GALNTL6: variants seen among roughly 807,000 people sequenced by gnomAD.
The protein encoded by GALNTL6 is polypeptide N-acetylgalactosaminyltransferase like 6.
GALNTL6 carries 46 observed loss-of-function variants against 73.7 expected under a neutral mutation model. That is an observed-to-expected ratio of 0.62 (90% CI 0.49 to 0.80). GALNTL6 has a LOEUF of 0.80. Ranked by LOEUF, GALNTL6 falls within the 30% of genes least tolerant of loss-of-function variation. GALNTL6 has a pLI of 0.00. For missense variants in GALNTL6, 604 were observed against 755.0 expected (o/e 0.80, Z 2.34); for synonymous variants, 259 against 263.7 (o/e 0.98, Z 0.17).
At chr4:172,562,814 C>T (rs1269979119) in intron 5 of GALNTL6, among the ~76,000 whole-genome samples, 1 of 152,108 alleles carries the variant, frequency 6.6e-6, no homozygotes, top group Non-Finnish European at 1.5e-5. Context: ...AGTTTGCTAC[C>T]ACCACCACTG....
intron 11 of GALNTL6, among the ~76,000 whole-genome samples, chr4:173,012,695 C>T (rs1254536899): frequency 6.6e-6 from 1 of 152,184 alleles, no homozygotes; most frequent in Non-Finnish European, 1.5e-5. Flanking sequence ...ATATCCTCTC[C>T]CTCCTGCCTT....
chr4:172,310,394 C>A (rs141817228), intron 3 of GALNTL6, among the ~76,000 whole-genome samples: 2 of 151,932 alleles, frequency 1.3e-5, no homozygotes, highest in East Asian at 3.9e-4. Context: ...CCTCAGCCTC[C>A]CCAGTAGCTG....
At chr4:172,615,129 C>T (rs889117542) in intron 5 of GALNTL6, among the ~76,000 whole-genome samples, 1 of 149,918 alleles carries the variant, frequency 6.7e-6, no homozygotes. Flanking sequence ...CCTGCTGAAA[C>T]GGTGTTAATC....
chr4:172,205,409 C>A (rs533221372), intron 2 of GALNTL6, among the ~76,000 whole-genome samples: 12 of 152,258 alleles, frequency 7.9e-5, no homozygotes, highest in Admixed American at 7.8e-4. Context: ...GTGCTAGAGT[C>A]CACTTTTTTG....
At chr4:171,849,584 A>T (rs1234304181) in intron 2 of GALNTL6, among the ~76,000 whole-genome samples, 2 of 152,248 alleles carry the variant, frequency 1.3e-5, no homozygotes, top group Non-Finnish European at 2.9e-5. Context: ...TATAAATATG[A>T]TAAAATATGA....
intron 5 of GALNTL6, among the ~76,000 whole-genome samples, chr4:172,412,800 AT>A (rs1437659277): frequency 1.3e-5 from 2 of 152,168 alleles, no homozygotes. Flanking sequence ...TAACAAAAAA[AT>A]CCAGCCTCAT....
At chr4:172,013,505 G>A (rs1162222974) in intron 2 of GALNTL6, among the ~76,000 whole-genome samples, 1 of 151,634 alleles carries the variant, frequency 6.6e-6, no homozygotes, top group Non-Finnish European at 1.5e-5. Context: ...CTTTTTTTAA[G>A]ATTAACTAGT....
At chr4:171,995,560 C>A (rs905243867) in intron 2 of GALNTL6, among the ~76,000 whole-genome samples, 1 of 151,764 alleles carries the variant, frequency 6.6e-6, no homozygotes, top group Non-Finnish European at 1.5e-5. Flanking sequence ...GTGACAAAAA[C>A]CAGTGAAAAA....
intron 5 of GALNTL6, among the ~76,000 whole-genome samples, chr4:172,436,685 A>G (rs567254762): frequency 2.8e-4 from 43 of 152,222 alleles, no homozygotes; most frequent in African/African-American, 1.0e-3. Flanking sequence ...ACTTGACTCA[A>G]GAGGCCATAA....
intron 9 of GALNTL6, among the ~76,000 whole-genome samples, chr4:172,941,360 T>C (rs1748911101): frequency 6.6e-6 from 1 of 152,262 alleles, no homozygotes; most frequent in Non-Finnish European, 1.5e-5. Context: ...TAACAAGCTA[T>C]CATGATTAAT....
intron 2 of GALNTL6, among the ~76,000 whole-genome samples, chr4:171,938,092 T>G (rs12508478): frequency 0.43 from 65,353 of 151,894 alleles, 16,430 homozygotes; most frequent in Admixed American, 0.58. Context: ...TTAGGAACAG[T>G]TGGATTTTTT....
intron 12 of GALNTL6, among the ~76,000 whole-genome samples, chr4:173,035,096 C>CTT (rs33964878): frequency 2.1e-5 from 3 of 140,186 alleles, no homozygotes; most frequent in African/African-American, 8.4e-5. Flanking sequence ...ACAAACATTT[C>CTT]TTTTTTTTTT....
intron 10 of GALNTL6, among the ~76,000 whole-genome samples, chr4:172,988,141 T>C (rs1049102134): frequency 2.0e-5 from 3 of 152,214 alleles, no homozygotes; most frequent in Non-Finnish European, 4.4e-5. Flanking sequence ...TGAATCTTCC[T>C]AGAGACTTAT....
chr4:172,356,077 GT>G lies in GALNTL6; in HGVS notation c.553+7391del, dbSNP rs200360030. On this transcript the variant is annotated intron_variant, in intron 5 of 12. Transcript: ENST00000506823. ...ATTCCACATGGCTGAATTAATATGGGTTTGGCATAGAAGGAGACACTGCTTT... is the reference window on the plus strand; with the variant it reads ...ATTCCACATGGCTGAATTAATATGGGTTGGCATAGAAGGAGACACTGCTTT... Among the ~76,000 whole-genome samples, 1,113 of 152,242 alleles carry G rather than the reference GT, an allele frequency of 7.3e-3. 13 individuals carry two copies. Among genetic ancestry groups the G allele is most frequent in the African/African-American group, 0.025 (1,050 of 41,534 alleles).
At chr4:172,525,704 A>C (rs1488054466) in intron 5 of GALNTL6, among the ~76,000 whole-genome samples, 1 of 152,110 alleles carries the variant, frequency 6.6e-6, no homozygotes, top group African/African-American at 2.4e-5. Flanking sequence ...TATACAAAAA[A>C]TCAAAAAATT....
At chr4:172,661,496 A>AC in intron 5 of GALNTL6, among the ~76,000 whole-genome samples, 1 of 152,160 alleles carries the variant, frequency 6.6e-6, no homozygotes, top group African/African-American at 2.4e-5. Context: ...AACAAGATGA[A>AC]CTTCAGGAAT....
chr4:172,908,431 ATAG>A (rs1368785253), intron 8 of GALNTL6, among the ~76,000 whole-genome samples: 4 of 152,102 alleles, frequency 2.6e-5, no homozygotes, highest in Non-Finnish European at 4.4e-5. Context: ...TATTCTGAAG[ATAG>A]TAGGCAATGC....
chr4:172,753,316 C>G (rs1737541046), intron 5 of GALNTL6, among the ~76,000 whole-genome samples: 1 of 152,188 alleles, frequency 6.6e-6, no homozygotes, highest in African/African-American at 2.4e-5. Flanking sequence ...AACCTCTTTC[C>G]TTTATAAATT....
In GALNTL6 at chr4:172,068,768, A is replaced by G. The variant is rs1731426652; in HGVS notation, c.139-160888A>G. On this transcript the variant is annotated intron_variant, in intron 2 of 12. Coordinates refer to ENST00000506823, the MANE Select transcript of GALNTL6 (RefSeq NM_001034845.3). ...TCTTCCTCACTCTTGTATGCACAGC[A>G]GTTAGTAAAGATACTTTTGTGAAAG... Among the ~76,000 whole-genome samples, 2 of 111,310 alleles carry G rather than the reference A, an allele frequency of 1.8e-5. 1 individual carries two copies. The highest frequency in any genetic ancestry group is 5.2e-4 in the South Asian group (2 of 3,836). 73.0% of individuals were successfully genotyped at this position (111,310 alleles called of 152,430 possible).
Sources: gnomAD v4.1 joint callset for allele counts (sites outside exome capture counted in the v4.1 genomes callset) on GRCh38, gnomAD v4.1.1 for gene constraint, MANE v1.5 for transcripts, NCBI Gene and HGNC (gene_info 2026-07-23, HGNC 2026-07-21) for gene names.